Variants in DCC observed in about 807,000 individuals in gnomAD.
The protein encoded by DCC is DCC netrin 1 receptor.
A neutral mutation model predicts 172.5 loss-of-function variants in DCC; 58 were observed. That is an observed-to-expected ratio of 0.34 (90% CI 0.27 to 0.42). The LOEUF is 0.42. Ranked by LOEUF, DCC falls within the 10% of genes least tolerant of loss-of-function variation. The probability of loss-of-function intolerance (pLI) is 1.00; values close to 1 mark genes in which losing one functional copy is unlikely to be tolerated. For synonymous variants in DCC, 709 were observed against 644.5 expected, an observed-to-expected ratio of 1.10 and a Z score of -1.52; for missense variants, 1,740 against 1,791.0, an observed-to-expected ratio of 0.97 and a Z score of 0.51.
chr18:53,257,572 A>G (rs1382322438), intron 12 of DCC, among the ~76,000 whole-genome samples: 1 of 152,198 alleles, frequency 6.6e-6, no homozygotes, highest in African/African-American at 2.4e-5. Context: ...CCACTTGATC[A>G]TAGTGGATAA....
intron 15 of DCC, among the ~76,000 whole-genome samples, chr18:53,367,292 C>G (rs926454021): frequency 6.7e-6 from 1 of 149,674 alleles, no homozygotes; most frequent in African/African-American, 2.6e-5. Context: ...GTATAGCCCT[C>G]TCATTTCAAG....
intron 3 of DCC, among the ~76,000 whole-genome samples, chr18:52,919,878 T>C (rs946600722): frequency 8.6e-5 from 13 of 151,964 alleles, no homozygotes; most frequent in Middle Eastern, 3.4e-3. Flanking sequence ...ATTGGCAAAA[T>C]AATAGATCCA....
chr18:52,965,014 T>C (rs534635082), intron 5 of DCC: 2 of 152,314 alleles, frequency 1.3e-5, no homozygotes, highest in South Asian at 4.1e-4. Flanking sequence ...CTTACCCTTT[T>C]GCATCTCTCT....
intron 5 of DCC, among the ~76,000 whole-genome samples, chr18:53,058,448 C>T (rs1242469894): frequency 6.6e-6 from 1 of 151,940 alleles, no homozygotes; most frequent in Admixed American, 6.6e-5. Flanking sequence ...TGGTACTTCC[C>T]ATTACCCTTT....
chr18:52,531,276 G>T (rs1433213811), intron 1 of DCC, among the ~76,000 whole-genome samples: 2 of 152,090 alleles, frequency 1.3e-5, no homozygotes, highest in African/African-American at 4.8e-5. Flanking sequence ...AAAAACCTAA[G>T]ACTTTGATCT....
In DCC at chr18:53,410,928, G is replaced by T. The variant is rs1028615926; in HGVS notation, c.3130+282G>T. On this transcript the variant is annotated intron_variant, in intron 20 of 28. Coordinates refer to ENST00000442544, the MANE Select transcript of DCC (RefSeq NM_005215.4). Reference sequence around the variant, plus strand: ...ATATTGGTTCTATTCAAAATATAATGAAATGCTTCAGCCATTTTATGTAAG... The same window carrying T: ...ATATTGGTTCTATTCAAAATATAATTAAATGCTTCAGCCATTTTATGTAAG... Among the ~76,000 whole-genome samples the T allele has an allele frequency of 2.6e-5, 4 of 152,170 alleles. No individual in the cohort carries two copies. The South Asian group carries it at 8.3e-4, about 32-fold the overall frequency.
intron 1 of DCC, among the ~76,000 whole-genome samples, chr18:52,745,648 C>T (rs772891350): frequency 6.6e-6 from 1 of 152,158 alleles, no homozygotes; most frequent in Admixed American, 6.5e-5. Context: ...TGGGAACATT[C>T]AAAATCATTT....
chr18:52,760,781 G>A lies in DCC; in HGVS notation c.412+8407G>A, dbSNP rs1342280805. Among the ~76,000 whole-genome samples, 5 of 152,212 alleles carry A rather than the reference G, an allele frequency of 3.3e-5. No homozygotes were observed. The East Asian group carries it at 7.7e-4, about 24-fold the overall frequency. On this transcript the variant is annotated intron_variant, in intron 2 of 28. Coordinates refer to ENST00000442544, the MANE Select transcript of DCC (RefSeq NM_005215.4). ...ATTAGATACAAAGCTTTTCTACAAAGTAAAGAGACATCAAAACCTAGAGTG... is the reference window on the plus strand; with the variant it reads ...ATTAGATACAAAGCTTTTCTACAAAATAAAGAGACATCAAAACCTAGAGTG...
intron 5 of DCC, among the ~76,000 whole-genome samples, chr18:53,044,872 C>T (rs1274584320): frequency 6.6e-6 from 1 of 151,726 alleles, no homozygotes; most frequent in Non-Finnish European, 1.5e-5. Context: ...AGTGCAAAAA[C>T]ATTCAAGGGC....
intron 18 of DCC, among the ~76,000 whole-genome samples, chr18:53,399,999 T>C (rs1909194505): frequency 6.6e-6 from 1 of 152,146 alleles, no homozygotes; most frequent in Non-Finnish European, 1.5e-5. Context: ...ATAATGTTAA[T>C]TTATAATTGT....
At chr18:53,032,491 AG>A (rs1355030776) in intron 5 of DCC, among the ~76,000 whole-genome samples, 11 of 152,178 alleles carry the variant, frequency 7.2e-5, no homozygotes, top group Admixed American at 3.3e-4. Flanking sequence ...TTTGAATAAA[AG>A]TCTAATTTTA....
chr18:52,840,999 G>A (rs1006264), intron 2 of DCC, among the ~76,000 whole-genome samples: 1 of 151,808 alleles, frequency 6.6e-6, no homozygotes, highest in African/African-American at 2.4e-5. Flanking sequence ...TACAATGACT[G>A]GGTGTGGAAG....
intron 12 of DCC, among the ~76,000 whole-genome samples, chr18:53,250,870 C>A (rs2056422037): frequency 6.6e-6 from 1 of 151,954 alleles, no homozygotes; most frequent in Admixed American, 6.6e-5. Context: ...ACCCTACTAT[C>A]TGGCTTCTGC....
chr18:52,500,453 T>A (rs1299436210), intron 1 of DCC, among the ~76,000 whole-genome samples: 8 of 152,112 alleles, frequency 5.3e-5, no homozygotes, highest in Non-Finnish European at 1.5e-5. Flanking sequence ...AGGATTTAAT[T>A]TGGAATAAGT....
At chr18:53,462,129 T>C (rs945131006) in intron 24 of DCC, among the ~76,000 whole-genome samples, 2 of 152,182 alleles carry the variant, frequency 1.3e-5, no homozygotes, top group Non-Finnish European at 2.9e-5. Flanking sequence ...CTAACCTCTA[T>C]GTGGTATCCA....
chr18:53,198,761 A>G (rs902856643), intron 9 of DCC, among the ~76,000 whole-genome samples: 3 of 152,208 alleles, frequency 2.0e-5, no homozygotes, highest in African/African-American at 7.2e-5. Context: ...TGAAATTTAA[A>G]AAAGGTAGTT....
Position 52,445,530 on chromosome 18 carries a change from A to T in DCC, c.91+104652A>T, listed in dbSNP as rs976809357. ...ATTCACATATATTGTGTGCTCTTCAAATGCAAATTTTAAGTGTTGTTTATC... is the reference window on the plus strand; with the variant it reads ...ATTCACATATATTGTGTGCTCTTCATATGCAAATTTTAAGTGTTGTTTATC... On this transcript the variant is annotated intron_variant, in intron 1 of 28. Transcript: ENST00000442544. Among the ~76,000 whole-genome samples the T allele has an allele frequency of 4.6e-5, 7 of 152,188 alleles. No individual in the cohort carries two copies. The South Asian group carries it at 6.2e-4, about 14-fold the overall frequency.
intron 12 of DCC, among the ~76,000 whole-genome samples, chr18:53,302,726 T>A (rs1175141245): frequency 6.6e-6 from 1 of 152,212 alleles, no homozygotes; most frequent in African/African-American, 2.4e-5. Context: ...CTTATTTGAC[T>A]GGACATTAAA....
chr18:53,418,948 T>C (rs1443148085), intron 21 of DCC, among the ~76,000 whole-genome samples: 1 of 152,166 alleles, frequency 6.6e-6, no homozygotes, highest in Admixed American at 6.6e-5. Context: ...TAATTCTCCT[T>C]TTTTGCATCA....
Sources: gnomAD v4.1 joint callset for allele counts (sites outside exome capture counted in the v4.1 genomes callset) on GRCh38, gnomAD v4.1.1 for gene constraint, MANE v1.5 for transcripts, NCBI Gene and HGNC (gene_info 2026-07-23, HGNC 2026-07-21) for gene names.